Variants in VPS8 observed in about 807,000 individuals in gnomAD.
VPS8 encodes the protein VPS8 subunit of CORVET complex, also known as vacuolar protein sorting-associated protein 8 homolog.
A neutral mutation model predicts 216.4 loss-of-function variants in VPS8; 129 were observed. That is an observed-to-expected ratio of 0.60 (90% CI 0.52 to 0.69). The LOEUF is 0.69. VPS8 is among the 30% of genes least tolerant of loss of function. The pLI is 0.00. For missense variants in VPS8, 1,531 were observed against 1,683.5 expected, an observed-to-expected ratio of 0.91 and a Z score of 1.59; for synonymous variants, 571 against 565.4, an observed-to-expected ratio of 1.01 and a Z score of -0.14.
At chr3:185,038,726 G>C (rs1476857175) in intron 46 of VPS8, among the ~76,000 whole-genome samples, 1 of 152,194 alleles carries the variant, frequency 6.6e-6, no homozygotes, top group Non-Finnish European at 1.5e-5. Flanking sequence ...TGAGGATAGG[G>C]ACAATGGCAG....
intron 35 of VPS8, among the ~76,000 whole-genome samples, chr3:184,939,880 C>G (rs1315499184): frequency 6.6e-6 from 1 of 152,134 alleles, no homozygotes; most frequent in Non-Finnish European, 1.5e-5. Context: ...AGAGCAGTTC[C>G]AAGCACCTGC....
chr3:184,940,349 C>A, intron 36 of VPS8, 106 bp downstream of exon 36: 1 of 361,178 alleles, frequency 2.8e-6, no homozygotes, highest in South Asian at 9.0e-5. Context: ...ATACAATTAG[C>A]TCTTAATTTT....
At chr3:184,963,582 GA>G (rs1297435938) in intron 37 of VPS8, among the ~76,000 whole-genome samples, 1 of 152,034 alleles carries the variant, frequency 6.6e-6, no homozygotes, top group Non-Finnish European at 1.5e-5. Context: ...ACAATAAGAA[GA>G]ATGGCAGTTT....
In VPS8 at chr3:184,982,657, T is replaced by A. The variant is rs369247544; in HGVS notation, c.3502+10T>A. 1.2e-5 allele frequency: 19 copies of A among 1,605,206 alleles called. No individual in the cohort carries two copies. The African/African-American group carries it at 2.1e-4, about 18-fold the overall frequency. On this transcript the variant is annotated intron_variant, in intron 41 of 47. Coordinates refer to ENST00000625842, the MANE Select transcript of VPS8 (RefSeq NM_001009921.3). ...CATCTACACTCTGAAGGTAAGTTCTTCAGAATTCAAGTGACTGAGTCCACC... is the reference window on the plus strand; with the variant it reads ...CATCTACACTCTGAAGGTAAGTTCTACAGAATTCAAGTGACTGAGTCCACC...
chr3:184,838,771 G>T, intron 6 of VPS8, 25 bp downstream of exon 6: 1 of 1,526,944 alleles, frequency 6.5e-7, no homozygotes, highest in Non-Finnish European at 8.8e-7. Flanking sequence ...ACTTTTTAAA[G>T]GTAAGTTTTC....
At chr3:185,003,807 C>A (rs1271322482) in intron 45 of VPS8, among the ~76,000 whole-genome samples, 6 of 149,450 alleles carry the variant, frequency 4.0e-5, no homozygotes, top group African/African-American at 1.5e-4. Flanking sequence ...TCAGACGGGG[C>A]GGCTGCCGGG....
intron 44 of VPS8, among the ~76,000 whole-genome samples, chr3:184,999,100 C>T (rs983323945): frequency 2.6e-5 from 4 of 151,938 alleles, no homozygotes; most frequent in Non-Finnish European, 5.9e-5. Flanking sequence ...TCTTGTTGCC[C>T]AGGCTGGAGT....
At chr3:184,994,166 T>A in intron 43 of VPS8, 103 bp downstream of exon 43, 1 of 819,870 alleles carries the variant, frequency 1.2e-6, no homozygotes, top group South Asian at 2.2e-5. Flanking sequence ...ATCTATTTAC[T>A]GGCAGTTAGG....
At chr3:184,889,957 G>C (rs1732036123) in intron 22 of VPS8, among the ~76,000 whole-genome samples, 1 of 152,138 alleles carries the variant, frequency 6.6e-6, no homozygotes, top group African/African-American at 2.4e-5. Flanking sequence ...AGATTTATTA[G>C]ATACAAGAAT....
rs574833696 is a variant in VPS8, at chr3:185,031,910, TC to T, written c.4056+7524del. On this transcript the variant is annotated intron_variant, in intron 46 of 47. Transcript: ENST00000625842. The stretch of plus-strand genomic sequence containing the variant: ...CGGGCTCGATGGCTGACGCCTGTAA[TC>T]CCAGCACTTTGGGAAGCCGAGACGG... Among the ~76,000 whole-genome samples, 22 of 152,324 alleles carry T rather than the reference TC, an allele frequency of 1.4e-4. No homozygotes were observed. The East Asian group carries it at 4.0e-3, about 28-fold the overall frequency.
At chr3:184,926,971 A>G (rs1238970927) in intron 31 of VPS8, among the ~76,000 whole-genome samples, 2 of 152,176 alleles carry the variant, frequency 1.3e-5, no homozygotes, top group African/African-American at 4.8e-5. Flanking sequence ...TAATCTGGTA[A>G]CTACTGCTAG....
In VPS8 at chr3:184,844,826, A is replaced by G. The variant is rs534968524; in HGVS notation, c.541+1581A>G. ...TGTTGTTTGTGATATTTGGCCTTCA[A>G]GTTATCTAAATTAATTGGTAAGCTA... On this transcript the variant is annotated intron_variant, in intron 8 of 47. Coordinates refer to ENST00000625842, the MANE Select transcript of VPS8 (RefSeq NM_001009921.3). 1.4e-3 allele frequency among the ~76,000 whole-genome samples: 211 copies of G among 152,368 alleles called. 2 individuals are homozygous for G. Among genetic ancestry groups the G allele is most frequent in the African/African-American group, 4.7e-3 (196 of 41,592 alleles).
chr3:184,951,223 C>A (rs549409419), intron 36 of VPS8, among the ~76,000 whole-genome samples: 4 of 152,252 alleles, frequency 2.6e-5, no homozygotes, highest in Admixed American at 6.5e-5. Flanking sequence ...TGGTGACTCA[C>A]ACCTGTAATC....
At chr3:184,980,521 A>G (rs560388340) in intron 40 of VPS8, among the ~76,000 whole-genome samples, 1 of 149,450 alleles carries the variant, frequency 6.7e-6, no homozygotes, top group Non-Finnish European at 1.5e-5. Context: ...TTTTGCCTTT[A>G]TTTTTTATTT....
intron 46 of VPS8, among the ~76,000 whole-genome samples, chr3:185,029,862 C>T (rs1757873895): frequency 6.6e-6 from 1 of 152,212 alleles, no homozygotes; most frequent in African/African-American, 2.4e-5. Flanking sequence ...CCACGCCCTG[C>T]CCACAACACG....
chr3:184,886,349 A>G (rs1007801910), intron 22 of VPS8, among the ~76,000 whole-genome samples, 193 bp downstream of exon 22: 1 of 152,156 alleles, frequency 6.6e-6, no homozygotes, highest in African/African-American at 2.4e-5. Context: ...TGCTATGGAT[A>G]TATCATTTAT....
Position 184,835,700 on chromosome 3 carries a change from T to C in VPS8, c.447+958T>C, listed in dbSNP as rs552879019. Among the ~76,000 whole-genome samples the C allele has an allele frequency of 9.4e-3, 1,408 of 149,804 alleles. 37 individuals are homozygous for C. Among genetic ancestry groups the C allele is most frequent in the African/African-American group, 0.033 (1,344 of 41,002 alleles). On this transcript the variant is annotated intron_variant, in intron 5 of 47. Transcript: ENST00000625842. ...CCAAGTTGGACAAGAAATAAAAATT[T>C]GGATTTTTCTTTTTTTTTTTTTTTT...
chr3:184,913,731 A>T (rs56182631), intron 26 of VPS8, among the ~76,000 whole-genome samples, 170 bp downstream of exon 26: 1 of 152,078 alleles, frequency 6.6e-6, no homozygotes, highest in East Asian at 1.9e-4. Context: ...CTCCCTGGAG[A>T]TGTTTGGCAA....
intron 28 of VPS8, among the ~76,000 whole-genome samples, chr3:184,917,048 G>A (rs1737717777): frequency 6.6e-6 from 1 of 152,158 alleles, no homozygotes; most frequent in South Asian, 2.1e-4. Flanking sequence ...AATAATTATA[G>A]CACAGTGTAA....
Sources: allele counts gnomAD v4.1 joint callset (sites outside exome capture counted in the v4.1 genomes callset), GRCh38; gene constraint gnomAD v4.1.1; transcripts MANE v1.5; gene names NCBI Gene and HGNC (gene_info 2026-07-23, HGNC 2026-07-21).